SGPL1: variants seen among roughly 807,000 people sequenced by gnomAD.
SGPL1 encodes SP-lyase 1.
Under a neutral mutation model 68.9 loss-of-function variants are expected in SGPL1, and 37 were observed. The observed-to-expected ratio is 0.54, with a 90% CI of 0.41 to 0.71. SGPL1 has a LOEUF of 0.71. SGPL1 is among the 30% of genes least tolerant of loss of function. The pLI is 0.00. For missense variants in SGPL1, 551 were observed against 704.6 expected (o/e 0.78, Z 2.47); for synonymous variants, 236 against 248.5 (o/e 0.95, Z 0.47).
intron 7 of SGPL1, among the ~76,000 whole-genome samples, chr10:70,864,444 C>G (rs1846141743): frequency 6.6e-6 from 1 of 152,040 alleles, no homozygotes; most frequent in South Asian, 2.1e-4. Context: ...CATTTTTATT[C>G]TTGGCAATGT....
At position 70,854,708 on chromosome 10, in the gene SGPL1, A is replaced by G; in HGVS notation, c.262A>G (p.Ile88Val). The G allele has an allele frequency of 6.2e-7, 1 of 1,607,192 alleles. No homozygotes were observed. Residue 88 changes from isoleucine to valine, a missense_variant and splice_region_variant, in exon 5 of 15, where the codon ATT becomes GTT. Transcript: ENST00000373202. ...AACTTTGTCTTTCTTACCTTTGGAG[A>G]TTCAAGACAAGTTGAACAAGACCAA... Reference protein sequence around the residue: ...TRKMPIIGRKIQDKLNKTKDD... With the variant: ...TRKMPIIGRKVQDKLNKTKDD...
intron 2 of SGPL1, among the ~76,000 whole-genome samples, chr10:70,835,745 A>G (rs1288682138): frequency 6.6e-6 from 1 of 151,882 alleles, no homozygotes; most frequent in African/African-American, 2.4e-5. Context: ...CAAAAAAAAA[A>G]AAAAAAAAGA....
At chr10:70,868,529 C>G (rs1374692387) in intron 8 of SGPL1, 96 bp downstream of exon 8, 4 of 971,130 alleles carry the variant, frequency 4.1e-6, no homozygotes, top group Non-Finnish European at 6.6e-6. Flanking sequence ...CCTGCTGCTT[C>G]TCTTCCTCTG....
At chr10:70,872,102 C>A in intron 11 of SGPL1, 116 bp downstream of exon 11, 1 of 1,061,518 alleles carries the variant, frequency 9.4e-7, no homozygotes, top group Non-Finnish European at 1.3e-6. Flanking sequence ...TCATCAGATG[C>A]TTGTTTTAAA....
intron 12 of SGPL1, among the ~76,000 whole-genome samples, chr10:70,874,735 A>C (rs1846355790): frequency 6.6e-6 from 1 of 152,124 alleles, no homozygotes; most frequent in Non-Finnish European, 1.5e-5. Flanking sequence ...AAAATAAAAA[A>C]TAAATAAAAA....
At chr10:70,857,748 C>CT (rs1298844455) in intron 6 of SGPL1, 58 bp downstream of exon 6, 7 of 1,061,808 alleles carry the variant, frequency 6.6e-6, no homozygotes, top group East Asian at 5.2e-5. Context: ...ACATGACCTC[C>CT]TTTTTTTCCC....
At chr10:70,853,607 G>C (rs1285500927) in intron 4 of SGPL1, among the ~76,000 whole-genome samples, 1 of 151,950 alleles carries the variant, frequency 6.6e-6, no homozygotes, top group East Asian at 1.9e-4. Flanking sequence ...GTGCTCCATT[G>C]CCTAAGTTTG....
intron 11 of SGPL1, among the ~76,000 whole-genome samples, chr10:70,872,693 T>G (rs1444588009): frequency 6.6e-6 from 1 of 152,236 alleles, no homozygotes; most frequent in Non-Finnish European, 1.5e-5. Context: ...CGATTTTCAG[T>G]CAGCATCTGT....
At chr10:70,856,710 A>G (rs1383821162) in intron 5 of SGPL1, among the ~76,000 whole-genome samples, 1 of 152,230 alleles carries the variant, frequency 6.6e-6, no homozygotes, top group African/African-American at 2.4e-5. Context: ...TCTGTTCTCA[A>G]GAGCTGAAGA....
chr10:70,867,896 T>G, intron 7 of SGPL1, among the ~76,000 whole-genome samples: 1 of 152,264 alleles, frequency 6.6e-6, no homozygotes, highest in East Asian at 1.9e-4. Context: ...AGCAGTTTAC[T>G]TTGTTAAATC....
chr10:70,823,169 ACT>A (rs773539999), intron 2 of SGPL1, among the ~76,000 whole-genome samples: 31 of 151,718 alleles, frequency 2.0e-4, no homozygotes, highest in Admixed American at 1.2e-3. Flanking sequence ...AATCTCTCTC[ACT>A]CTCTCTGGCT....
chr10:70,842,129 G>T (rs1169060320), intron 2 of SGPL1, among the ~76,000 whole-genome samples: 1 of 152,016 alleles, frequency 6.6e-6, no homozygotes, highest in East Asian at 1.9e-4. Context: ...CATGGTATGG[G>T]TACATAAAAT....
At chr10:70,841,556 C>G (rs2131880035) in intron 2 of SGPL1, among the ~76,000 whole-genome samples, 1 of 152,206 alleles carries the variant, frequency 6.6e-6, no homozygotes, top group East Asian at 1.9e-4. Flanking sequence ...CTCTGGGGGT[C>G]TCTTTTATAA....
At position 70,875,416 on chromosome 10, in the gene SGPL1, A is replaced by G; in HGVS notation, c.1313A>G (p.Lys438Arg). The G allele has an allele frequency of 6.2e-7, 1 of 1,610,878 alleles. No individual in the cohort carries two copies. The highest frequency in any genetic ancestry group is 2.2e-5 in the East Asian group (1 of 44,864). ...TTTGTTTTAAGACTGGAAAATATCA[A>G]AGGCATCTTTGTTTTTGGGAATCCC... ...RFLKSELENI[K>R]GIFVFGNPQL... The change falls in exon 13 of 15, where the codon AAA becomes AGA. Residue 438 changes from lysine to arginine, a missense_variant. Coordinates refer to ENST00000373202, the MANE Select transcript of SGPL1 (RefSeq NM_003901.4).
chr10:70,873,831 A>T (rs1307678309), intron 12 of SGPL1, among the ~76,000 whole-genome samples: 1 of 152,182 alleles, frequency 6.6e-6, no homozygotes, highest in East Asian at 1.9e-4. Context: ...AGTTTATCTC[A>T]TCTCTATGGA....
chr10:70,871,870 G>A lies in SGPL1; in HGVS notation c.943G>A (p.Asp315Asn), dbSNP rs1372595844. Residue 315 changes from aspartate to asparagine, a missense_variant, in exon 11 of 15, where the codon GAC becomes AAC. Asp to Asn is a conservative substitution (Grantham distance 23). Coordinates refer to ENST00000373202, the MANE Select transcript of SGPL1 (RefSeq NM_003901.4). ...AVKYKIPLHVDACLGGFLIVF... is the reference protein window; with the variant it reads ...AVKYKIPLHVNACLGGFLIVF... ...CAAATACAAAATACCCCTTCATGTCGACGCTTGTCTGGGAGGCTTCCTCAT... is the reference window on the plus strand; with the variant it reads ...CAAATACAAAATACCCCTTCATGTCAACGCTTGTCTGGGAGGCTTCCTCAT... 1 of 1,613,758 alleles carries A rather than the reference G, an allele frequency of 6.2e-7. No individual in the cohort carries two copies.
At chr10:70,838,940 A>G (rs1845673236) in intron 2 of SGPL1, among the ~76,000 whole-genome samples, 1 of 152,216 alleles carries the variant, frequency 6.6e-6, no homozygotes, top group South Asian at 2.1e-4. Flanking sequence ...AAACAGTTTG[A>G]AACTCAGTGG....
intron 3 of SGPL1, among the ~76,000 whole-genome samples, chr10:70,847,559 G>T (rs1321525940): frequency 6.6e-6 from 1 of 152,024 alleles, no homozygotes; most frequent in Non-Finnish European, 1.5e-5. Context: ...ACTACTGAAG[G>T]ATACCACTAT....
chr10:70,836,012 T>C (rs578036458), intron 2 of SGPL1, among the ~76,000 whole-genome samples: 1 of 152,168 alleles, frequency 6.6e-6, no homozygotes, highest in Non-Finnish European at 1.5e-5. Flanking sequence ...GAAAACTGGT[T>C]TGTGTGCACT....
Sources: allele counts gnomAD v4.1 joint callset (sites outside exome capture counted in the v4.1 genomes callset), GRCh38; gene constraint gnomAD v4.1.1; transcripts MANE v1.5; gene names NCBI Gene and HGNC (gene_info 2026-07-23, HGNC 2026-07-21).